The following TRNT1 variants were observed in gnomAD, a reference collection of about 807,000 sequenced individuals.
The protein encoded by TRNT1 is tRNA nucleotidyl transferase 1.
A neutral mutation model predicts 45.6 loss-of-function variants in TRNT1; 44 were observed. That is an observed-to-expected ratio of 0.97 (90% CI 0.76 to 1.24). The LOEUF is 1.24. Among genes scored for constraint, TRNT1 ranks in the 50% most tolerant of loss-of-function variants. TRNT1 has a pLI of 0.00. For synonymous variants in TRNT1, 201 were observed against 171.4 expected, an observed-to-expected ratio of 1.17 and a Z score of -1.35; for missense variants, 633 against 504.4, an observed-to-expected ratio of 1.25 and a Z score of -2.44.
chr3:3,141,245 C>G (rs1705631349), intron 4 of TRNT1, among the ~76,000 whole-genome samples: 1 of 152,158 alleles, frequency 6.6e-6, no homozygotes, highest in Non-Finnish European at 1.5e-5. Flanking sequence ...CATGTACACA[C>G]TCAGTCAGTG....
At chr3:3,132,736 A>AC (rs1705088004) in intron 2 of TRNT1, among the ~76,000 whole-genome samples, 2 of 133,086 alleles carry the variant, frequency 1.5e-5, no homozygotes, top group African/African-American at 5.3e-5. Flanking sequence ...TGAAGGAAAA[A>AC]AAAAAAAACA....
rs761145683 is a variant in TRNT1 at position 3,148,084 on chromosome 3, G to A, written c.1235G>A (p.Arg412Gln). The change falls in exon 8 of 8, where the codon CGA becomes CAA. Residue 412 changes from arginine (R) to glutamine (Q), a missense_variant. Arg to Gln is a conservative substitution (Grantham distance 43). Coordinates refer to ENST00000251607, the MANE Select transcript of TRNT1 (RefSeq NM_182916.3). ...ATTGGGGCTCTATTACAACAGTTGC[G>A]AGAACAGTGGAAAAAAAGTGGTTAC... ...KEIGALLQQL[R>Q]EQWKKSGYQM... is the part of the protein sequence containing the mutation. The A allele has an allele frequency of 6.2e-6, 10 of 1,613,696 alleles. No homozygotes were observed. The East Asian group carries it at 1.1e-4, about 18-fold the overall frequency.
intron 4 of TRNT1, among the ~76,000 whole-genome samples, chr3:3,143,709 C>G: frequency 6.6e-6 from 1 of 152,024 alleles, no homozygotes; most frequent in South Asian, 2.1e-4. Context: ...GAAACCCTGT[C>G]TCTACTAAAA....
At chr3:3,129,274 A>G (rs1411974123) in intron 2 of TRNT1, 86 bp downstream of exon 2, 2 of 1,203,696 alleles carry the variant, frequency 1.7e-6, no homozygotes, top group Non-Finnish European at 2.4e-6. Context: ...GCATTCGGAT[A>G]TTTTCATTGT....
chr3:3,136,300 C>G (rs1277722554), intron 2 of TRNT1, among the ~76,000 whole-genome samples: 1 of 152,166 alleles, frequency 6.6e-6, no homozygotes, highest in African/African-American at 2.4e-5. Flanking sequence ...GGATGCCATT[C>G]TCACTAGGTT....
intron 3 of TRNT1, among the ~76,000 whole-genome samples, chr3:3,139,287 C>T (rs1479984001): frequency 6.6e-6 from 1 of 152,170 alleles, no homozygotes; most frequent in African/African-American, 2.4e-5. Context: ...TTACCTTATT[C>T]TTTGCCTTCA....
chr3:3,127,700 A>G (rs923181934), intron 1 of TRNT1: 2 of 152,242 alleles, frequency 1.3e-5, no homozygotes, highest in African/African-American at 4.8e-5. Flanking sequence ...GGTGATACCC[A>G]CCTGTGACCA....
rs1235151154 is a variant in TRNT1, at chr3:3,137,462, A to G, written c.342+9A>G. The stretch of plus-strand genomic sequence containing the variant: ...GAACAATTACTGCCAGGGTGAGTCA[A>G]AAGTTTGACAGGTAATTACATTGCT... On this transcript the variant is annotated intron_variant, in intron 3 of 7. Transcript: ENST00000251607. The G allele has an allele frequency of 6.3e-6, 10 of 1,589,478 alleles. No homozygotes were observed. The highest frequency in any genetic ancestry group is 5.6e-5 in the Admixed American group (3 of 54,048).
At chr3:3,139,012 T>C (rs1018738043) in intron 3 of TRNT1, among the ~76,000 whole-genome samples, 3 of 152,186 alleles carry the variant, frequency 2.0e-5, no homozygotes, top group African/African-American at 7.2e-5. Context: ...TCCAGTATTA[T>C]GCCAGGGAAT....
At chr3:3,133,479 A>G (rs1705138491) in intron 2 of TRNT1, among the ~76,000 whole-genome samples, 1 of 151,808 alleles carries the variant, frequency 6.6e-6, no homozygotes, top group African/African-American at 2.4e-5. Context: ...GGTTCCTTGA[A>G]CTTGGGGTCA....
At chr3:3,140,402 G>A in intron 3 of TRNT1, 108 bp from the exon 4 acceptor site, 1 of 1,029,802 alleles carries the variant, frequency 9.7e-7, no homozygotes, top group East Asian at 2.4e-5. Context: ...ATAACTGTCA[G>A]GGCTTATAGT....
intron 7 of TRNT1, 52 bp downstream of exon 7, chr3:3,147,755 G>T: frequency 6.5e-7 from 1 of 1,541,656 alleles, no homozygotes; most frequent in East Asian, 2.3e-5. Context: ...CACGAATTTA[G>T]AATTAATTTA....
intron 1 of TRNT1, chr3:3,127,896 A>G (rs903854606): frequency 3.9e-5 from 6 of 152,152 alleles, no homozygotes; most frequent in Non-Finnish European, 8.8e-5. Context: ...GCTGCCCAAT[A>G]ATGAGATGCA....
chr3:3,134,788 G>C (rs1275071489), intron 2 of TRNT1, among the ~76,000 whole-genome samples: 1 of 152,026 alleles, frequency 6.6e-6, no homozygotes, highest in Non-Finnish European at 1.5e-5. Context: ...GAATAAGATA[G>C]GTTTTCTACC....
chr3:3,141,053 C>T (rs561764681), intron 4 of TRNT1, among the ~76,000 whole-genome samples: 2 of 152,142 alleles, frequency 1.3e-5, no homozygotes, highest in Admixed American at 6.5e-5. Context: ...GTCTGGGCAA[C>T]AGAGCGAGAC....
chr3:3,152,017 G>C (rs1334864585), downstream of TRNT1, among the ~76,000 whole-genome samples: 1 of 152,068 alleles, frequency 6.6e-6, no homozygotes, highest in African/African-American at 2.4e-5. Flanking sequence ...AAACAATTTT[G>C]GATTTAACTG....
chr3:3,130,725 G>A (rs1267095333), intron 2 of TRNT1: 3 of 148,546 alleles, frequency 2.0e-5, no homozygotes, highest in South Asian at 4.2e-4. Context: ...GATACTATCA[G>A]TATGAATTTT....
At position 3,147,916 on chromosome 3, in the gene TRNT1, C is replaced by G; in HGVS notation, c.1067C>G (p.Pro356Arg). The stretch of plus-strand genomic sequence containing the variant: ...GATTTTGACACGTAGTCTAGGGAAC[C>G]TGATGCAACTACTCGTGTATGTGAA... The part of the protein sequence containing the change: ...YQDFIIDSRE[P>R]DATTRVCELL... Residue 356 changes from proline (P) to arginine (R), a missense_variant, in exon 8 of 8, where the codon CCT becomes CGT. By Grantham distance (103) the Pro-to-Arg change is moderately radical. Coordinates refer to ENST00000251607, the MANE Select transcript of TRNT1 (RefSeq NM_182916.3). 1 of 1,611,898 alleles carries G rather than the reference C, an allele frequency of 6.2e-7. No homozygotes were observed. Among genetic ancestry groups the G allele is most frequent in the Non-Finnish European group, 8.5e-7 (1 of 1,178,856 alleles).
At chr3:3,147,271 CAG>C (rs1162693618) in intron 6 of TRNT1, among the ~76,000 whole-genome samples, 177 bp from the exon 7 acceptor site, 5 of 152,080 alleles carry the variant, frequency 3.3e-5, no homozygotes, top group African/African-American at 7.2e-5. Context: ...TTGAAGGTGA[CAG>C]GGGAGAGAAT....
Sources: gnomAD v4.1 joint callset for allele counts (sites outside exome capture counted in the v4.1 genomes callset) on GRCh38, gnomAD v4.1.1 for gene constraint, MANE v1.5 for transcripts, NCBI Gene and HGNC (gene_info 2026-07-23, HGNC 2026-07-21) for gene names.